MEOX2: variants seen among roughly 807,000 people sequenced by gnomAD.
The protein encoded by MEOX2 is homeobox protein MOX-2.
MEOX2 carries 11 observed loss-of-function variants against 27.0 expected under a neutral mutation model. The ratio of observed to expected loss-of-function variants is 0.41; its 90% CI spans 0.26 to 0.68. The LOEUF is 0.68. Among genes scored for constraint, MEOX2 ranks in the 30% least tolerant of loss-of-function variants. The probability of loss-of-function intolerance (pLI) is 0.33; values close to 1 mark genes in which losing one functional copy is unlikely to be tolerated. For missense variants in MEOX2, 436 were observed against 385.4 expected (o/e 1.13, Z -1.10); for synonymous variants, 189 against 155.4 (o/e 1.22, Z -1.61).
At chr7:15,637,248 G>A (rs1272987270) in intron 1 of MEOX2, among the ~76,000 whole-genome samples, 1 of 151,988 alleles carries the variant, frequency 6.6e-6, no homozygotes, top group East Asian at 1.9e-4. Flanking sequence ...TGAATGTGAA[G>A]CTTTCATCTA....
intron 1 of MEOX2, among the ~76,000 whole-genome samples, chr7:15,639,604 G>C (rs981441516): frequency 5.9e-5 from 9 of 151,804 alleles, no homozygotes; most frequent in African/African-American, 2.2e-4. Context: ...TGGGTCTTAT[G>C]TTTAGATCTT....
chr7:15,661,151 A>C (rs1420756102), intron 1 of MEOX2, among the ~76,000 whole-genome samples: 2 of 152,098 alleles, frequency 1.3e-5, no homozygotes, highest in African/African-American at 4.8e-5. Context: ...GGGAAATATT[A>C]AACAGTTGCC....
intron 1 of MEOX2, among the ~76,000 whole-genome samples, chr7:15,669,740 T>C (rs1782066799): frequency 6.6e-6 from 1 of 152,208 alleles, no homozygotes; most frequent in African/African-American, 2.4e-5. Context: ...GAATACTTTA[T>C]TCTCCTTCTA....
intron 2 of MEOX2, among the ~76,000 whole-genome samples, chr7:15,622,716 A>G (rs1422814350): frequency 1.3e-5 from 2 of 152,192 alleles, no homozygotes; most frequent in East Asian, 3.9e-4. Flanking sequence ...TGAGATTAAT[A>G]TAAAATCTAA....
At chr7:15,636,482 A>C (rs1009630673) in intron 1 of MEOX2, among the ~76,000 whole-genome samples, 6 of 152,056 alleles carry the variant, frequency 3.9e-5, no homozygotes, top group Non-Finnish European at 8.8e-5. Context: ...TAGTGAAGTT[A>C]AATTCTTGTG....
At chr7:15,657,406 T>G (rs1459636848) in intron 1 of MEOX2, among the ~76,000 whole-genome samples, 1 of 152,166 alleles carries the variant, frequency 6.6e-6, no homozygotes, top group Non-Finnish European at 1.5e-5. Flanking sequence ...TCATTCATTA[T>G]GGATAATTTC....
rs548303387 is a variant in MEOX2 at position 15,615,800 on chromosome 7, T to A, written c.691-3189A>T. 2.6e-5 allele frequency among the ~76,000 whole-genome samples: 4 copies of A among 152,214 alleles called. No individual in the cohort carries two copies. The East Asian group carries it at 7.7e-4, about 29-fold the overall frequency. ...GGAAGAAATACATATGTCATGATCA[T>A]CATCATTGTCACCAAGAGCTGAAAC... On this transcript the variant is annotated intron_variant, in intron 2 of 2. Coordinates refer to ENST00000262041, the MANE Select transcript of MEOX2 (RefSeq NM_005924.5).
chr7:15,636,367 A>T (rs1437039724), intron 1 of MEOX2, among the ~76,000 whole-genome samples: 1 of 152,044 alleles, frequency 6.6e-6, no homozygotes, highest in Non-Finnish European at 1.5e-5. Flanking sequence ...TAAACAAATT[A>T]TAAACAATAA....
intron 2 of MEOX2, among the ~76,000 whole-genome samples, chr7:15,624,703 C>A (rs538848350): frequency 4.6e-5 from 7 of 152,236 alleles, no homozygotes; most frequent in African/African-American, 1.4e-4. Context: ...TACTGTCCAA[C>A]TAAGCCCAGT....
At chr7:15,620,922 T>C (rs1781212251) in intron 2 of MEOX2, among the ~76,000 whole-genome samples, 1 of 151,956 alleles carries the variant, frequency 6.6e-6, no homozygotes, top group Non-Finnish European at 1.5e-5. Flanking sequence ...CCATTCTGTC[T>C]ATATTTGGCA....
chr7:15,616,755 A>T (rs1781129624), intron 2 of MEOX2, among the ~76,000 whole-genome samples: 2 of 151,962 alleles, frequency 1.3e-5, no homozygotes, highest in South Asian at 2.1e-4. Flanking sequence ...GAATTCTCAC[A>T]TTTCCTTGGT....
chr7:15,675,807 G>A (rs1782183991), intron 1 of MEOX2, among the ~76,000 whole-genome samples: 1 of 152,156 alleles, frequency 6.6e-6, no homozygotes, highest in East Asian at 1.9e-4. Context: ...TCCCTGCTGT[G>A]TATTATCGGA....
At chr7:15,670,670 G>T (rs974128324) in intron 1 of MEOX2, among the ~76,000 whole-genome samples, 1 of 152,114 alleles carries the variant, frequency 6.6e-6, no homozygotes, top group African/African-American at 2.4e-5. Flanking sequence ...ATAGCAACAT[G>T]TGGCTTTACA....
chr7:15,665,499 A>G (rs1047135893), intron 1 of MEOX2, among the ~76,000 whole-genome samples: 2 of 152,226 alleles, frequency 1.3e-5, no homozygotes, highest in Non-Finnish European at 2.9e-5. Flanking sequence ...TTAGTCACTA[A>G]TGAAATATAT....
intron 1 of MEOX2, among the ~76,000 whole-genome samples, chr7:15,684,175 T>G (rs760601717): frequency 6.6e-6 from 1 of 152,184 alleles, no homozygotes; most frequent in Non-Finnish European, 1.5e-5. Context: ...CAATCTATCA[T>G]GTAGGTTTCT....
intron 1 of MEOX2, among the ~76,000 whole-genome samples, chr7:15,639,248 A>G (rs1292479890): frequency 1.3e-5 from 2 of 151,996 alleles, no homozygotes; most frequent in Non-Finnish European, 2.9e-5. Flanking sequence ...GCATGTTTTC[A>G]TATGTTTATT....
intron 2 of MEOX2, among the ~76,000 whole-genome samples, chr7:15,623,519 G>A (rs1400558202): frequency 1.3e-5 from 2 of 152,172 alleles, no homozygotes; most frequent in Middle Eastern, 6.8e-3. Context: ...ATAGGTGCCT[G>A]CCACCACGCC....
intron 1 of MEOX2, chr7:15,680,129 A>C (rs1782268911): frequency 6.6e-6 from 1 of 151,924 alleles, no homozygotes; most frequent in Non-Finnish European, 1.5e-5. Flanking sequence ...CATGAAAATT[A>C]ATAACCCATT....
At chr7:15,650,854 C>T (rs997144374) in intron 1 of MEOX2, among the ~76,000 whole-genome samples, 2 of 152,148 alleles carry the variant, frequency 1.3e-5, no homozygotes, top group Admixed American at 6.6e-5. Context: ...CAGAGGCACT[C>T]GATCTGCCTG....
Sources: gnomAD v4.1 joint callset for allele counts (sites outside exome capture counted in the v4.1 genomes callset) on GRCh38, gnomAD v4.1.1 for gene constraint, MANE v1.5 for transcripts, NCBI Gene and HGNC (gene_info 2026-07-23, HGNC 2026-07-21) for gene names.